MAF: variants seen among roughly 807,000 people sequenced by gnomAD.
The protein encoded by MAF is MAF bZIP transcription factor.
A neutral mutation model predicts 22.0 loss-of-function variants in MAF; 10 were observed. The ratio of observed to expected loss-of-function variants is 0.45; its 90% CI spans 0.28 to 0.77. MAF has a LOEUF of 0.77. MAF is among the 30% of genes least tolerant of loss of function. MAF has a pLI of 0.12. For synonymous variants in MAF, 337 were observed against 255.8 expected, an observed-to-expected ratio of 1.32 and a Z score of -3.03; for missense variants, 544 against 548.4, an observed-to-expected ratio of 0.99 and a Z score of 0.08.
chr16:79,333,634 G>A, the MAF span, among the ~76,000 whole-genome samples: 2 of 152,152 alleles, frequency 1.3e-5, no homozygotes, highest in Admixed American at 6.5e-5. Flanking sequence ...ATCTTTATGC[G>A]TAATGATGAG....
the MAF span, among the ~76,000 whole-genome samples, chr16:79,316,666 C>T: frequency 1.3e-5 from 2 of 152,096 alleles, no homozygotes; most frequent in African/African-American, 4.8e-5. Context: ...TCAGAGGAAA[C>T]AGAAATGTTA....
chr16:79,212,047 A>G, the MAF span: 3 of 1,536,324 alleles, frequency 2.0e-6, no homozygotes, highest in South Asian at 1.2e-5. Context: ...CCTGTTTGAA[A>G]GTAAAAACCT....
At chr16:79,355,189 G>A in the MAF span, among the ~76,000 whole-genome samples, 1 of 152,182 alleles carries the variant, frequency 6.6e-6, no homozygotes, top group African/African-American at 2.4e-5. Flanking sequence ...GGCAGTACTT[G>A]CACCTATCTC....
chr16:79,502,834 T>A, the MAF span, among the ~76,000 whole-genome samples: 5 of 148,022 alleles, frequency 3.4e-5, no homozygotes, highest in African/African-American at 1.0e-4. Context: ...AAGGGAACTC[T>A]GTAGGGTGAT....
At chr16:79,457,052 T>A in the MAF span, among the ~76,000 whole-genome samples, 1 of 152,222 alleles carries the variant, frequency 6.6e-6, no homozygotes, top group East Asian at 1.9e-4. Flanking sequence ...TGAAGATTAA[T>A]AGAGATGGTG....
chr16:79,571,003 A>G, the MAF span, among the ~76,000 whole-genome samples: 1 of 152,132 alleles, frequency 6.6e-6, no homozygotes, highest in East Asian at 1.9e-4. Flanking sequence ...TGAGGAAACC[A>G]AGCGTCTATA....
At chr16:79,405,316 C>T in the MAF span, among the ~76,000 whole-genome samples, 1 of 152,160 alleles carries the variant, frequency 6.6e-6, no homozygotes, top group Non-Finnish European at 1.5e-5. Context: ...ACTTCATCCT[C>T]TGGGTGAAGA....
chr16:79,442,007 G>A, the MAF span, among the ~76,000 whole-genome samples: 1 of 152,210 alleles, frequency 6.6e-6, no homozygotes, highest in Non-Finnish European at 1.5e-5. Context: ...ACACAGCCAT[G>A]GAGTGCCAAA....
the MAF span, among the ~76,000 whole-genome samples, chr16:79,319,512 C>A: frequency 1.6e-4 from 25 of 152,162 alleles, no homozygotes; most frequent in African/African-American, 5.8e-4. Context: ...TGAAAGTGCT[C>A]ATTTACTCAC....
chr16:79,439,742 T>C, the MAF span, among the ~76,000 whole-genome samples: 1 of 152,054 alleles, frequency 6.6e-6, no homozygotes, highest in South Asian at 2.1e-4. Context: ...GGACAGAAGA[T>C]GACAAAGCCA....
At chr16:79,337,938 G>C in the MAF span, among the ~76,000 whole-genome samples, 51,647 of 151,988 alleles carry the variant, frequency 0.34, 10,595 homozygotes, top group East Asian at 0.7. Context: ...TTGTAGCTTA[G>C]CAGCCGTTCA....
chr16:79,455,820 C>A, the MAF span, among the ~76,000 whole-genome samples: 6 of 152,094 alleles, frequency 3.9e-5, no homozygotes, highest in Admixed American at 3.9e-4. Flanking sequence ...GAGGTTGAGA[C>A]CAGCCTGGCC....
chr16:79,243,400 C>A, the MAF span, among the ~76,000 whole-genome samples: 1 of 151,878 alleles, frequency 6.6e-6, no homozygotes, highest in Non-Finnish European at 1.5e-5. Flanking sequence ...ACTGATCCCA[C>A]AGAAATACAA....
chr16:79,315,828 A>G, the MAF span, among the ~76,000 whole-genome samples: 55 of 152,216 alleles, frequency 3.6e-4, 1 homozygote, highest in Non-Finnish European at 1.0e-4. Flanking sequence ...CCTTTTCATT[A>G]ATTAGGGAGA....
chr16:79,268,077 T>C, the MAF span, among the ~76,000 whole-genome samples: 2 of 152,198 alleles, frequency 1.3e-5, no homozygotes, highest in Admixed American at 6.5e-5. Flanking sequence ...CTGAACATCT[T>C]TACTGTTTTG....
the MAF span, among the ~76,000 whole-genome samples, chr16:79,398,119 C>T: frequency 2.6e-5 from 4 of 152,154 alleles, no homozygotes; most frequent in African/African-American, 4.8e-5. Context: ...TCCCGGAGGC[C>T]ACCTGCATTC....
chr16:79,470,447 G>A, the MAF span, among the ~76,000 whole-genome samples: 1 of 152,198 alleles, frequency 6.6e-6, no homozygotes, highest in Non-Finnish European at 1.5e-5. Flanking sequence ...CTGTGGGCTA[G>A]AGAAACAGCT....
chr16:79,355,895 G>A, the MAF span, among the ~76,000 whole-genome samples: 3 of 152,060 alleles, frequency 2.0e-5, no homozygotes, highest in East Asian at 1.9e-4. Flanking sequence ...CAAATTGAAC[G>A]TACATGAGTT....
chr16:79,461,265 T>C, the MAF span, among the ~76,000 whole-genome samples: 1 of 152,356 alleles, frequency 6.6e-6, no homozygotes, highest in African/African-American at 2.4e-5. Context: ...GGTTAGTTAC[T>C]ATACAAACAG....
Sources: allele counts gnomAD v4.1 joint callset (sites outside exome capture counted in the v4.1 genomes callset), GRCh38; gene constraint gnomAD v4.1.1; transcripts MANE v1.5; gene names NCBI Gene and HGNC (gene_info 2026-07-23, HGNC 2026-07-21).